Variants in CNBD1 observed in about 807,000 individuals in gnomAD.
CNBD1 encodes cyclic nucleotide binding domain containing 1.
CNBD1 carries 71 observed loss-of-function variants against 54.4 expected under a neutral mutation model. That is an observed-to-expected ratio of 1.30 (90% CI 1.08 to 1.59). The LOEUF (loss-of-function observed/expected upper bound fraction) is 1.59, where lower values mean the gene tolerates loss of function less well. Ranked by LOEUF, CNBD1 falls within the 40% of genes most tolerant of loss-of-function variation. CNBD1 has a pLI of 0.00. For missense variants in CNBD1, 659 were observed against 518.0 expected, an observed-to-expected ratio of 1.27 and a Z score of -2.64; for synonymous variants, 182 against 170.7, an observed-to-expected ratio of 1.07 and a Z score of -0.51.
intron 4 of CNBD1, among the ~76,000 whole-genome samples, chr8:87,050,821 T>C (rs1261463344): frequency 6.6e-6 from 1 of 152,200 alleles, no homozygotes; most frequent in Non-Finnish European, 1.5e-5. Context: ...TTGCAGGGGC[T>C]GTTGCAGGGC....
intron 4 of CNBD1, among the ~76,000 whole-genome samples, chr8:86,982,175 T>G (rs577320680): frequency 6.6e-6 from 1 of 152,220 alleles, no homozygotes. Context: ...TGAACATGTT[T>G]TATGGGCTTA....
At chr8:87,347,127 C>T (rs905452228) in intron 8 of CNBD1, among the ~76,000 whole-genome samples, 2 of 152,026 alleles carry the variant, frequency 1.3e-5, no homozygotes, top group African/African-American at 4.8e-5. Context: ...GCTTTCTTAC[C>T]CACCGCCAGA....
chr8:87,105,537 C>T (rs932928355), intron 4 of CNBD1, among the ~76,000 whole-genome samples: 1 of 152,142 alleles, frequency 6.6e-6, no homozygotes, highest in Non-Finnish European at 1.5e-5. Flanking sequence ...ACAGCTTTTT[C>T]AGCCCTTGAT....
At chr8:86,896,727 C>T (rs1042169128) in intron 2 of CNBD1, among the ~76,000 whole-genome samples, 1 of 152,120 alleles carries the variant, frequency 6.6e-6, no homozygotes, top group African/African-American at 2.4e-5. Flanking sequence ...CCACTCTTTG[C>T]AGCTTCCTGT....
intron 4 of CNBD1, among the ~76,000 whole-genome samples, chr8:87,011,899 C>T (rs1326317547): frequency 6.6e-6 from 1 of 152,060 alleles, no homozygotes; most frequent in African/African-American, 2.4e-5. Flanking sequence ...ATAATTTGTG[C>T]TTGAAGGGGG....
intron 8 of CNBD1, among the ~76,000 whole-genome samples, chr8:87,299,901 T>A (rs1358891896): frequency 6.6e-6 from 1 of 152,336 alleles, no homozygotes; most frequent in East Asian, 1.9e-4. Context: ...TCCATCTCTC[T>A]GTTCTTTTCT....
intron 8 of CNBD1, among the ~76,000 whole-genome samples, chr8:87,346,198 C>T (rs1403962075): frequency 1.3e-5 from 2 of 151,862 alleles, no homozygotes; most frequent in African/African-American, 2.4e-5. Flanking sequence ...TGCGCCACCA[C>T]GCTCAGCTAA....
chr8:87,106,107 G>T (rs1227661210), intron 4 of CNBD1, among the ~76,000 whole-genome samples: 1 of 152,002 alleles, frequency 6.6e-6, no homozygotes, highest in African/African-American at 2.4e-5. Context: ...TATTGGAGAT[G>T]AATATTAGAT....
chr8:87,360,874 T>C (rs1027175783), intron 10 of CNBD1, among the ~76,000 whole-genome samples: 8 of 151,918 alleles, frequency 5.3e-5, no homozygotes, highest in Non-Finnish European at 1.0e-4. Flanking sequence ...TCATAATGCT[T>C]AATACAAAGC....
chr8:86,868,624 G>T (rs546982516), intron 1 of CNBD1, among the ~76,000 whole-genome samples: 8 of 152,034 alleles, frequency 5.3e-5, no homozygotes, highest in Admixed American at 2.0e-4. Context: ...GAGCTACCAC[G>T]CCCCGGCTGT....
intron 8 of CNBD1, among the ~76,000 whole-genome samples, chr8:87,342,718 A>C (rs2130920625): frequency 6.6e-6 from 1 of 152,232 alleles, no homozygotes; most frequent in South Asian, 2.1e-4. Flanking sequence ...GGTTTTTATT[A>C]GGGATTTCAG....
At chr8:87,208,016 G>T (rs993592056) in intron 5 of CNBD1, among the ~76,000 whole-genome samples, 1 of 152,090 alleles carries the variant, frequency 6.6e-6, no homozygotes, top group Non-Finnish European at 1.5e-5. Context: ...GGCCCAACTA[G>T]GTGTCTGTCT....
chr8:87,405,845 G>A (rs1807642622), intron 2 of CNBD1, among the ~76,000 whole-genome samples: 1 of 152,122 alleles, frequency 6.6e-6, no homozygotes, highest in African/African-American at 2.4e-5. Flanking sequence ...TCTACTGTGA[G>A]CCACATAAGA....
intron 6 of CNBD1, among the ~76,000 whole-genome samples, chr8:87,257,476 GA>G (rs1808046579): frequency 2.0e-5 from 3 of 151,774 alleles, no homozygotes; most frequent in African/African-American, 7.3e-5. Context: ...GTCTTCCTGG[GA>G]ATATGGAACC....
intron 5 of CNBD1, among the ~76,000 whole-genome samples, chr8:87,225,742 A>T (rs1420573364): frequency 1.3e-5 from 2 of 151,350 alleles, no homozygotes; most frequent in Non-Finnish European, 3.0e-5. Flanking sequence ...TATCAGAATG[A>T]TGCTGGCCTC....
intron 5 of CNBD1, among the ~76,000 whole-genome samples, chr8:87,230,027 G>C (rs986767035): frequency 6.6e-6 from 1 of 151,848 alleles, no homozygotes; most frequent in Non-Finnish European, 1.5e-5. Context: ...GCTGGCATCT[G>C]CTTAACTTCT....
intron 10 of CNBD1, among the ~76,000 whole-genome samples, chr8:87,358,565 C>CAAA (rs10668828): frequency 1.3e-4 from 19 of 151,266 alleles, no homozygotes; most frequent in Non-Finnish European, 2.5e-4. Flanking sequence ...CAAAGTTCTT[C>CAAA]AAAAAAAACA....
chr8:86,907,891 G>A (rs1013949759), intron 3 of CNBD1, among the ~76,000 whole-genome samples: 1 of 152,116 alleles, frequency 6.6e-6, no homozygotes, highest in African/African-American at 2.4e-5. Context: ...TTTCATGTTA[G>A]CAGACATGAA....
At chr8:87,005,547 A>G (rs1809080917) in intron 4 of CNBD1, among the ~76,000 whole-genome samples, 2 of 151,870 alleles carry the variant, frequency 1.3e-5, no homozygotes, top group South Asian at 4.1e-4. Flanking sequence ...ATTCGTATCC[A>G]TGTTTTTGCA....
Sources: allele counts gnomAD v4.1 joint callset (sites outside exome capture counted in the v4.1 genomes callset), GRCh38; gene constraint gnomAD v4.1.1; transcripts MANE v1.5; gene names NCBI Gene and HGNC (gene_info 2026-07-23, HGNC 2026-07-21).